The following ANLN variants were observed in gnomAD, a reference collection of about 807,000 sequenced individuals.
ANLN encodes the protein anillin, actin binding protein.
Under a neutral mutation model 135.1 loss-of-function variants are expected in ANLN, and 59 were observed. The observed-to-expected ratio is 0.44, with a 90% confidence interval of 0.35 to 0.54. ANLN has a LOEUF of 0.54. Ranked by LOEUF, ANLN falls within the 20% of genes least tolerant of loss-of-function variation. The pLI is 0.00. For synonymous variants in ANLN, 406 were observed against 456.4 expected, an observed-to-expected ratio of 0.89 and a Z score of 1.41; for missense variants, 1,182 against 1,340.0, an observed-to-expected ratio of 0.88 and a Z score of 1.84.
At chr7:36,402,590 G>A (rs1431445976) in intron 3 of ANLN, among the ~76,000 whole-genome samples, 1 of 152,016 alleles carries the variant, frequency 6.6e-6, no homozygotes, top group Non-Finnish European at 1.5e-5. Context: ...ATCTGGACCT[G>A]CTCTTTTTCA....
Position 36,421,797 on chromosome 7 carries a change from TA to T in ANLN, c.2164-57del, listed in dbSNP as rs761323515. ...AATCAAGTTAGTTAGAATTAAAATT[TA>T]AAGTGAAAATGATGATTTAAAATGT... On this transcript the variant is annotated intron_variant, in intron 12 of 23. Transcript: ENST00000265748. 2.1e-5 allele frequency: 31 copies of T among 1,465,196 alleles called. No homozygotes were observed. In the African/African-American group the frequency reaches 3.3e-4, roughly 16 times the overall value. The allele number at this position is 1,465,196 out of a possible 1,614,324, so 90.8% of individuals were successfully genotyped here. A position where few individuals can be genotyped will look rare whatever the true frequency, so the allele number is the denominator to read the frequency against.
intron 22 of ANLN, among the ~76,000 whole-genome samples, chr7:36,446,095 T>G (rs1788986961): frequency 6.6e-6 from 1 of 152,190 alleles, no homozygotes; most frequent in African/African-American, 2.4e-5. Context: ...TCCCTAGTCT[T>G]AGGCCTGGCG....
chr7:36,412,325 ATAT>A (rs1170594956), intron 7 of ANLN, among the ~76,000 whole-genome samples: 3,476 of 109,420 alleles, frequency 0.032, 53 homozygotes, highest in East Asian at 0.099. Flanking sequence ...ATATATATAT[ATAT>A]TTTTTTTTTT....
intron 22 of ANLN, chr7:36,449,461 T>C (rs539387283): frequency 7.0e-6 from 3 of 427,694 alleles, no homozygotes; most frequent in Admixed American, 8.0e-5. Flanking sequence ...GAGCTACCAG[T>C]TGATATTTTT....
chr7:36,421,846 G>C lies in ANLN; in HGVS notation c.2164-11G>C, dbSNP rs763338187. 6.3e-7 allele frequency: 1 copy of C among 1,588,054 alleles called. No individual in the cohort carries two copies. The highest frequency in any genetic ancestry group is 1.2e-5 in the South Asian group (1 of 85,394). Reference sequence around the variant, plus strand: ...TGTGTATATTTTTTCTCCTCTCATTGGTTTTCCTAGGAACTCAATAACGAA... The same window carrying C: ...TGTGTATATTTTTTCTCCTCTCATTCGTTTTCCTAGGAACTCAATAACGAA... On this transcript the variant is annotated splice_polypyrimidine_tract_variant and intron_variant, in intron 12 of 23. Transcript: ENST00000265748.
At position 36,452,620 on chromosome 7, in the gene ANLN, A is replaced by G. The variant is rs751569219; in HGVS notation, c.*20A>G. ...CCTTAAACCGGGAAATTTCCATGCTATCTAGAGGTTTTTGATGTCATCTTA... is the reference window on the plus strand; with the variant it reads ...CCTTAAACCGGGAAATTTCCATGCTGTCTAGAGGTTTTTGATGTCATCTTA... On this transcript the variant is annotated 3_prime_UTR_variant, in exon 24 of 24. Coordinates refer to ENST00000265748, the MANE Select transcript of ANLN (RefSeq NM_018685.5). The G allele has an allele frequency of 1.7e-5, 27 of 1,611,092 alleles. No homozygotes were observed. Among genetic ancestry groups the G allele is most frequent in the Middle Eastern group, 3.3e-4 (2 of 6,068 alleles).
At chr7:36,425,580 C>A in intron 17 of ANLN, 122 bp from the exon 18 acceptor site, 1 of 599,590 alleles carries the variant, frequency 1.7e-6, no homozygotes, top group Non-Finnish European at 2.6e-6. Flanking sequence ...AGGCGTGAGC[C>A]ACTGCTCCCG....
chr7:36,431,326 T>G (rs916065653), intron 20 of ANLN, among the ~76,000 whole-genome samples: 13 of 152,174 alleles, frequency 8.5e-5, no homozygotes, highest in South Asian at 2.1e-4. Context: ...ATTCCCCCTT[T>G]AAGTTATCTT....
At chr7:36,433,569 T>C (rs2116738114) in intron 20 of ANLN, among the ~76,000 whole-genome samples, 1 of 152,292 alleles carries the variant, frequency 6.6e-6, no homozygotes, top group African/African-American at 2.4e-5. Context: ...CTGTAATTAG[T>C]TGTTTTATAA....
intron 20 of ANLN, among the ~76,000 whole-genome samples, chr7:36,437,371 T>C (rs1788586689): frequency 6.6e-6 from 1 of 152,258 alleles, no homozygotes; most frequent in Non-Finnish European, 1.5e-5. Flanking sequence ...AGGATCTCCT[T>C]TTTCTATGCT....
In ANLN at chr7:36,389,981, A is replaced by C. The variant is rs974720574; in HGVS notation, c.-46A>C. 5 of 1,613,934 alleles carry C rather than the reference A, an allele frequency of 3.1e-6. No homozygotes were observed. The Admixed American group carries it at 5.0e-5, about 16-fold the overall frequency. The stretch of plus-strand genomic sequence containing the variant: ...CTGAGACTCACTTTTCTCTTCCTGA[A>C]TTTGAACCACCGTTTCCATCGTCTC... On this transcript the variant is annotated 5_prime_UTR_variant, in exon 1 of 24. Transcript: ENST00000265748.
chr7:36,401,233 T>A (rs1180543279), intron 3 of ANLN, among the ~76,000 whole-genome samples: 2 of 152,246 alleles, frequency 1.3e-5, no homozygotes, highest in African/African-American at 2.4e-5. Flanking sequence ...AGAAGGAAAC[T>A]GGGTTCATAG....
Position 36,442,814 on chromosome 7 carries a change from T to C in ANLN, c.2971-941T>C, listed in dbSNP as rs1788829476. Among the ~76,000 whole-genome samples, 4 of 152,010 alleles carry C rather than the reference T, an allele frequency of 2.6e-5. No individual in the cohort carries two copies. The South Asian group carries it at 8.3e-4, about 32-fold the overall frequency. On this transcript the variant is annotated intron_variant, in intron 21 of 23. Transcript: ENST00000265748. ...GCCTGGCTAATTTTTGTATTTTTAG[T>C]AGAGATGGGATTTCACTGTGTTAGC... is the stretch of plus-strand genomic sequence containing the variant.
rs759513484 is a variant in ANLN at position 36,422,657 on chromosome 7, ATGAAT to A, written c.2330_2334del (p.Leu777Ter). On this transcript the variant is annotated frameshift_variant, in exon 14 of 24. Transcript: ENST00000265748. LOFTEE classifies it high-confidence loss of function. ...GCTGGGAAGAGAACACTTTTGATTGATGAATTGAATAAATTGAAGAACGAAGGACC... is the reference window on the plus strand; with the variant it reads ...GCTGGGAAGAGAACACTTTTGATTGATGAATAAATTGAAGAACGAAGGACC... The A allele has an allele frequency of 1.9e-6, 3 of 1,608,050 alleles. No homozygotes were observed. Among genetic ancestry groups the A allele is most frequent in the Non-Finnish European group, 2.5e-6 (3 of 1,178,402 alleles).
Position 36,415,083 on chromosome 7 carries a change from T to C in ANLN, c.1396-675T>C, listed in dbSNP as rs113108922. On this transcript the variant is annotated intron_variant, in intron 7 of 23. Transcript: ENST00000265748. ...CTATGACTTCATTCATAAAGTCTTC[T>C]TTTATTTCTTTGCTGAAATAATCTG... 6.4e-3 allele frequency among the ~76,000 whole-genome samples: 979 copies of C among 152,372 alleles called. 11 individuals are homozygous for C. The highest frequency in any genetic ancestry group is 0.022 in the African/African-American group (935 of 41,588).
chr7:36,391,744 T>TCC (rs779389653), intron 1 of ANLN, among the ~76,000 whole-genome samples: 9 of 152,222 alleles, frequency 5.9e-5, no homozygotes, highest in Non-Finnish European at 1.3e-4. Flanking sequence ...GACTATTTTC[T>TCC]CAATTCTCCC....
chr7:36,391,250 C>CT (rs1180142869), intron 1 of ANLN, among the ~76,000 whole-genome samples: 48 of 152,266 alleles, frequency 3.2e-4, no homozygotes, highest in Admixed American at 3.1e-3. Context: ...CACCAAGTAT[C>CT]TTTCACTTAC....
In ANLN at chr7:36,389,880, C is replaced by T. The variant is rs1430396628; in HGVS notation, c.-147C>T. 9.8e-5 allele frequency: 140 copies of T among 1,429,822 alleles called. 1 individual carries two copies. Among genetic ancestry groups the T allele is most frequent in the Non-Finnish European group, 8.4e-5 (86 of 1,028,762 alleles). 88.6% of individuals were successfully genotyped at this position (1,429,822 alleles called of 1,614,324 possible). On this transcript the variant is annotated 5_prime_UTR_variant, in exon 1 of 24. Transcript: ENST00000265748. Reference sequence around the variant, plus strand: ...AGAGGCCGAGTCCGTCACTGGAAGCCGAGAGGAGAGGACAGCTGGTTGTGG... The same window carrying T: ...AGAGGCCGAGTCCGTCACTGGAAGCTGAGAGGAGAGGACAGCTGGTTGTGG...
At chr7:36,410,381 C>A in intron 5 of ANLN, 133 bp from the exon 6 acceptor site, 1 of 744,568 alleles carries the variant, frequency 1.3e-6, no homozygotes, top group Non-Finnish European at 2.0e-6. Flanking sequence ...TTTTTATAGT[C>A]TACTTTGTGA....
Sources: gnomAD v4.1 joint callset for allele counts (sites outside exome capture counted in the v4.1 genomes callset) on GRCh38, gnomAD v4.1.1 for gene constraint, MANE v1.5 for transcripts, NCBI Gene and HGNC (gene_info 2026-07-23, HGNC 2026-07-21) for gene names.